Variants in PDXDC1 observed in about 807,000 individuals in gnomAD.
PDXDC1 encodes pyridoxal dependent decarboxylase domain containing 1.
Under a neutral mutation model 100.1 loss-of-function variants are expected in PDXDC1, and 42 were observed. The ratio of observed to expected loss-of-function variants is 0.42; its 90% CI spans 0.33 to 0.54. PDXDC1 has a LOEUF of 0.54. Ranked by LOEUF, PDXDC1 falls within the 20% of genes least tolerant of loss-of-function variation. The pLI is 0.10. For missense variants in PDXDC1, 636 were observed against 979.2 expected (o/e 0.65, Z 4.68); for synonymous variants, 260 against 371.7 (o/e 0.70, Z 3.46).
chr16:15,130,403 G>C (rs779425690), intron 16 of PDXDC1: 1 of 1,574,908 alleles, frequency 6.3e-7, no homozygotes, highest in East Asian at 2.3e-5. Flanking sequence ...GCGCCGACAG[G>C]CGGAAGTGGC....
intron 16 of PDXDC1, among the ~76,000 whole-genome samples, chr16:15,098,223 CAG>C (rs2046425816): frequency 7.2e-6 from 1 of 139,692 alleles, no homozygotes; most frequent in Non-Finnish European, 1.5e-5. Flanking sequence ...TTTTTTGAGA[CAG>C]AGTCTCACTC....
chr16:14,991,697 T>C (rs1460648260), intron 1 of PDXDC1, among the ~76,000 whole-genome samples: 4 of 152,242 alleles, frequency 2.6e-5, no homozygotes, highest in Non-Finnish European at 5.9e-5. Context: ...TTTTTTTGTA[T>C]TTTTTGTAGA....
downstream of PDXDC1, among the ~76,000 whole-genome samples, chr16:15,039,432 T>C (rs897917966): frequency 1.3e-5 from 2 of 152,168 alleles, no homozygotes; most frequent in African/African-American, 4.8e-5. Context: ...CTTTCACCCA[T>C]TCCTCAAATG....
intron 14 of PDXDC1, among the ~76,000 whole-genome samples, chr16:15,027,843 C>A (rs558350207): frequency 4.2e-4 from 64 of 152,368 alleles, no homozygotes; most frequent in African/African-American, 1.4e-3. Context: ...TGTGGTGGGC[C>A]AGCGTGGTCT....
chr16:15,034,087 T>A (rs1351830932), intron 19 of PDXDC1, 199 bp from the exon 20 acceptor site: 1 of 594,466 alleles, frequency 1.7e-6, no homozygotes, highest in Non-Finnish European at 3.0e-6. Context: ...ATGAGGCTGG[T>A]CACCAAGGTG....
chr16:15,104,571 G>T lies in PDXDC1; in HGVS notation c.1400-34308G>T, dbSNP rs191329109. ...AGGTGTCTTGAGATTATCATCCGCT[G>T]AGGGTGGAAGGGGATAGAGCAGACA... is the stretch of plus-strand genomic sequence containing the variant. On this transcript the variant is annotated intron_variant, in intron 16 of 16. Transcript: ENST00000535621. The T allele has an allele frequency of 1.8e-5, 29 of 1,598,622 alleles. No homozygotes were observed. In the African/African-American group the frequency reaches 3.2e-4, roughly 18 times the overall value.
At chr16:15,093,989 A>C in intron 16 of PDXDC1, 1 of 693,512 alleles carries the variant, frequency 1.4e-6, no homozygotes, top group Non-Finnish European at 2.6e-6. Context: ...CCCAGTTAGG[A>C]GGAATGAGCT....
At chr16:15,093,662 C>T (rs963080242) in intron 16 of PDXDC1, among the ~76,000 whole-genome samples, 1 of 152,166 alleles carries the variant, frequency 6.6e-6, no homozygotes, top group African/African-American at 2.4e-5. Context: ...GAAAGTTAAA[C>T]GCCAAGAGTG....
At chr16:14,980,176 G>A (rs1484877362) in intron 1 of PDXDC1, among the ~76,000 whole-genome samples, 1 of 152,282 alleles carries the variant, frequency 6.6e-6, no homozygotes, top group Non-Finnish European at 1.5e-5. Context: ...CAGTGGCAGA[G>A]CTATTGATGG....
At chr16:15,111,124 T>TCACACA (rs200365846) in intron 16 of PDXDC1, among the ~76,000 whole-genome samples, 11 of 139,130 alleles carry the variant, frequency 7.9e-5, no homozygotes, top group South Asian at 2.4e-4. Flanking sequence ...TGAGACTCTG[T>TCACACA]CACACACACA....
chr16:15,019,559 G>T (rs2042024307), intron 12 of PDXDC1, among the ~76,000 whole-genome samples: 1 of 152,282 alleles, frequency 6.6e-6, no homozygotes, highest in South Asian at 2.1e-4. Context: ...TACAGTTCTG[G>T]ACGTGAGAAG....
intron 21 of PDXDC1, 65 bp downstream of exon 21, chr16:15,034,618 G>T (rs2043284726): frequency 3.5e-6 from 4 of 1,153,812 alleles, no homozygotes; most frequent in Non-Finnish European, 5.2e-6. Context: ...ATGCCCTTGG[G>T]TCCCAACACT....
At chr16:15,151,923 T>C in the PDXDC1 span, among the ~76,000 whole-genome samples, 1 of 60,040 alleles carries the variant, frequency 1.7e-5, no homozygotes, top group Non-Finnish European at 3.6e-5. Flanking sequence ...AAGAGTGAAC[T>C]CTGTCTCAAA....
intron 1 of PDXDC1, chr16:14,990,052 C>A: frequency 6.7e-7 from 1 of 1,492,004 alleles, no homozygotes; most frequent in Non-Finnish European, 8.9e-7. Flanking sequence ...GCGCCGGACC[C>A]CCCAAACCAC....
At chr16:15,144,016 A>T, downstream of PDXDC1, among the ~76,000 whole-genome samples, 1 of 152,030 alleles carries the variant, frequency 6.6e-6, no homozygotes, top group Non-Finnish European at 1.5e-5. Flanking sequence ...AGCTTATGTA[A>T]CCGCTCCTCC....
At chr16:15,149,004 G>A in the PDXDC1 span, among the ~76,000 whole-genome samples, 7 of 152,338 alleles carry the variant, frequency 4.6e-5, no homozygotes, top group East Asian at 7.7e-4. Context: ...CTGAACGCCC[G>A]AGTGCGGGAG....
intron 16 of PDXDC1, among the ~76,000 whole-genome samples, chr16:15,123,026 C>T (rs929289585): frequency 2.7e-5 from 4 of 150,820 alleles, no homozygotes; most frequent in Non-Finnish European, 4.4e-5. Flanking sequence ...AGGGAAGCAA[C>T]AGGACACGCG....
At chr16:15,128,390 C>T in intron 16 of PDXDC1, 8 of 1,556,990 alleles carry the variant, frequency 5.1e-6, no homozygotes, top group Non-Finnish European at 5.3e-6. Context: ...GCCGTGGTAC[C>T]TGGAGGGCAA....
chr16:15,078,590 T>C (rs2045561005), intron 16 of PDXDC1, among the ~76,000 whole-genome samples: 1 of 152,186 alleles, frequency 6.6e-6, no homozygotes, highest in African/African-American at 2.4e-5. Context: ...AACTCCTCCT[T>C]CCGGCGGATC....
Sources: allele counts gnomAD v4.1 joint callset (sites outside exome capture counted in the v4.1 genomes callset), GRCh38; gene constraint gnomAD v4.1.1; transcripts MANE v1.5; gene names NCBI Gene and HGNC (gene_info 2026-07-23, HGNC 2026-07-21).